The following CPNE4 variants were observed in gnomAD, a reference collection of about 807,000 sequenced individuals.
CPNE4 encodes copine-4.
CPNE4 carries 25 observed loss-of-function variants against 67.9 expected under a neutral mutation model. The ratio of observed to expected loss-of-function variants is 0.37; its 90% CI spans 0.27 to 0.51. The LOEUF (loss-of-function observed/expected upper bound fraction) is 0.51, where lower values mean the gene tolerates loss of function less well. Ranked by LOEUF, CPNE4 falls within the 20% of genes least tolerant of loss-of-function variation. The pLI, the probability that CPNE4 is intolerant of heterozygous loss-of-function variation, is 0.93. For missense variants in CPNE4, 464 were observed against 690.8 expected (o/e 0.67, Z 3.68); for synonymous variants, 242 against 244.9 (o/e 0.99, Z 0.11).
intron 7 of CPNE4, among the ~76,000 whole-genome samples, chr3:131,650,849 G>A (rs1350973911): frequency 6.6e-6 from 1 of 150,982 alleles, no homozygotes; most frequent in African/African-American, 2.4e-5. Flanking sequence ...AGTAAAATGT[G>A]CCTACATTGA....
chr3:131,593,366 G>A (rs1938651851), intron 7 of CPNE4, among the ~76,000 whole-genome samples: 1 of 152,100 alleles, frequency 6.6e-6, no homozygotes. Context: ...CAGTGTAGAA[G>A]CCTTTCAACT....
At chr3:131,615,265 C>T (rs1940069853) in intron 7 of CPNE4, among the ~76,000 whole-genome samples, 1 of 152,156 alleles carries the variant, frequency 6.6e-6, no homozygotes, top group Non-Finnish European at 1.5e-5. Flanking sequence ...TGAGCAGAGC[C>T]TTTAACACTG....
chr3:131,959,269 G>C (rs79598329), intron 1 of CPNE4, among the ~76,000 whole-genome samples: 33,164 of 60,762 alleles, frequency 0.55, 10,821 homozygotes, highest in Admixed American at 0.63. Context: ...CAAAGTGCTG[G>C]GATTACAGGC....
intron 7 of CPNE4, among the ~76,000 whole-genome samples, chr3:131,597,548 T>G (rs1227271942): frequency 1.3e-5 from 2 of 152,218 alleles, no homozygotes; most frequent in Non-Finnish European, 2.9e-5. Context: ...ATTCAGTTCC[T>G]GGTGGGCAGA....
chr3:131,849,434 G>A (rs900940584), intron 2 of CPNE4, among the ~76,000 whole-genome samples: 1 of 152,004 alleles, frequency 6.6e-6, no homozygotes, highest in African/African-American at 2.4e-5. Context: ...ATGGCCAGAC[G>A]GGAAGAATAG....
At chr3:131,647,788 T>TA (rs1307569782) in intron 7 of CPNE4, among the ~76,000 whole-genome samples, 5 of 152,182 alleles carry the variant, frequency 3.3e-5, no homozygotes, top group African/African-American at 9.7e-5. Context: ...CTTTCCCTTT[T>TA]ACCCTTTCCC....
chr3:131,644,969 C>A (rs2079628286), intron 7 of CPNE4, among the ~76,000 whole-genome samples: 1 of 152,164 alleles, frequency 6.6e-6, no homozygotes, highest in African/African-American at 2.4e-5. Flanking sequence ...AGTAATGTCA[C>A]ACAAGCAAAA....
At chr3:131,799,849 C>A (rs2084026579) in intron 2 of CPNE4, among the ~76,000 whole-genome samples, 1 of 151,696 alleles carries the variant, frequency 6.6e-6, no homozygotes, top group African/African-American at 2.4e-5. Context: ...TGTAATAGAG[C>A]AGTCTTTAGT....
intron 2 of CPNE4, among the ~76,000 whole-genome samples, chr3:131,886,481 G>C (rs547109131): frequency 6.6e-6 from 1 of 152,334 alleles, no homozygotes; most frequent in Admixed American, 6.5e-5. Context: ...CCCCCACACA[G>C]AGTCCCTACT....
chr3:131,984,154 T>G (rs72994819), intron 1 of CPNE4, among the ~76,000 whole-genome samples: 29,350 of 152,068 alleles, frequency 0.19, 5,417 homozygotes, highest in African/African-American at 0.49. Context: ...TTGAGACTTG[T>G]AGATTTTTAC....
intron 2 of CPNE4, among the ~76,000 whole-genome samples, chr3:131,871,813 T>G (rs1420870045): frequency 6.6e-6 from 1 of 152,218 alleles, no homozygotes; most frequent in Non-Finnish European, 1.5e-5. Flanking sequence ...TGACTTTACC[T>G]TGTACCTGAA....
At chr3:131,978,558 A>G (rs1197059954) in intron 1 of CPNE4, among the ~76,000 whole-genome samples, 7 of 90,854 alleles carry the variant, frequency 7.7e-5, no homozygotes, top group African/African-American at 2.5e-4. Context: ...ATATATATAT[A>G]TGCCACAGTT....
At chr3:131,800,469 G>A (rs886428820) in intron 2 of CPNE4, among the ~76,000 whole-genome samples, 5 of 152,190 alleles carry the variant, frequency 3.3e-5, no homozygotes, top group South Asian at 2.1e-4. Flanking sequence ...CTAGATGGAC[G>A]GATAAATGGC....
chr3:131,960,113 GAA>G (rs1421999585), intron 1 of CPNE4, among the ~76,000 whole-genome samples: 4 of 152,012 alleles, frequency 2.6e-5, no homozygotes, highest in South Asian at 2.1e-4. Flanking sequence ...GGAAAGCAGA[GAA>G]AGAGTGGAGA....
intron 2 of CPNE4, among the ~76,000 whole-genome samples, chr3:131,797,069 T>C (rs1171410290): frequency 3.3e-5 from 5 of 152,160 alleles, no homozygotes; most frequent in African/African-American, 7.2e-5. Context: ...ATAAACTCCA[T>C]AGGTCACAGT....
rs144993533 is a variant in CPNE4 at position 132,011,477 on chromosome 3, T to C, written c.-2+23090A>G. Among the ~76,000 whole-genome samples, 745 of 152,246 alleles carry C rather than the reference T, an allele frequency of 4.9e-3. 5 individuals carry two copies. The highest frequency in any genetic ancestry group is 0.017 in the African/African-American group (719 of 41,544). ...CCACATGTACATTCCTTAGAGACAT[T>C]TCACACATAGCTGGTGGCCCAGAAA... On this transcript the variant is annotated intron_variant, in intron 1 of 15. Coordinates refer to ENST00000429747, the MANE Select transcript of CPNE4 (RefSeq NM_130808.3).
chr3:131,788,670 T>C (rs1450358009), intron 2 of CPNE4, among the ~76,000 whole-genome samples: 1 of 152,106 alleles, frequency 6.6e-6, no homozygotes, highest in Non-Finnish European at 1.5e-5. Flanking sequence ...ATATAAACAG[T>C]GATAAATATC....
chr3:131,876,329 A>C (rs1397655476), intron 2 of CPNE4, among the ~76,000 whole-genome samples: 5 of 152,016 alleles, frequency 3.3e-5, no homozygotes, highest in African/African-American at 4.8e-5. Context: ...TTTTGTGAGA[A>C]TGTTTTATTA....
chr3:131,834,694 A>G (rs1475496929), intron 2 of CPNE4, among the ~76,000 whole-genome samples: 1 of 152,184 alleles, frequency 6.6e-6, no homozygotes, highest in East Asian at 1.9e-4. Context: ...CTGATTGCTT[A>G]TCTGATCTTA....
Sources: gnomAD v4.1 joint callset for allele counts (sites outside exome capture counted in the v4.1 genomes callset) on GRCh38, gnomAD v4.1.1 for gene constraint, MANE v1.5 for transcripts, NCBI Gene and HGNC (gene_info 2026-07-23, HGNC 2026-07-21) for gene names.